The following INSYN2B variants were observed in gnomAD, a reference collection of about 807,000 sequenced individuals.
INSYN2B encodes the protein protein INSYN2B.
INSYN2B carries 16 observed loss-of-function variants against 41.2 expected under a neutral mutation model. The observed-to-expected ratio is 0.39, with a 90% CI of 0.26 to 0.59. INSYN2B has a LOEUF of 0.59. Ranked by LOEUF, INSYN2B falls within the 20% of genes least tolerant of loss-of-function variation. The pLI, the probability that INSYN2B is intolerant of heterozygous loss-of-function variation, is 0.57. For missense variants in INSYN2B, 608 were observed against 646.4 expected, an observed-to-expected ratio of 0.94 and a Z score of 0.64; for synonymous variants, 245 against 244.4, an observed-to-expected ratio of 1.00 and a Z score of -0.02.
intron 3 of INSYN2B, among the ~76,000 whole-genome samples, chr5:169,872,867 A>G (rs1224068603): frequency 1.3e-5 from 2 of 152,216 alleles, no homozygotes; most frequent in African/African-American, 4.8e-5. Flanking sequence ...TAAAATGGGA[A>G]TGTTAATCCT....
At chr5:169,888,818 G>A (rs1388164520) in intron 1 of INSYN2B, among the ~76,000 whole-genome samples, 1 of 152,182 alleles carries the variant, frequency 6.6e-6, no homozygotes, top group Non-Finnish European at 1.5e-5. Context: ...CCAGCTGGTA[G>A]CCATGAGACA....
chr5:169,872,550 G>T (rs1439477789), intron 3 of INSYN2B, among the ~76,000 whole-genome samples: 1 of 152,126 alleles, frequency 6.6e-6, no homozygotes, highest in African/African-American at 2.4e-5. Context: ...AAAATCACAG[G>T]TTCTCTTCTT....
intron 1 of INSYN2B, among the ~76,000 whole-genome samples, chr5:169,955,177 C>T (rs568923468): frequency 2.6e-5 from 4 of 152,176 alleles, no homozygotes; most frequent in Admixed American, 1.3e-4. Context: ...ATGACGAGAT[C>T]GCCAGGCAGC....
intron 1 of INSYN2B, among the ~76,000 whole-genome samples, chr5:169,968,966 T>G (rs1374746402): frequency 1.3e-5 from 2 of 152,130 alleles, no homozygotes; most frequent in Non-Finnish European, 2.9e-5. Flanking sequence ...CTGGATAACA[T>G]GGTGATACCA....
At chr5:169,868,287 A>G (rs1771725163) in intron 3 of INSYN2B, among the ~76,000 whole-genome samples, 1 of 152,048 alleles carries the variant, frequency 6.6e-6, no homozygotes, top group African/African-American at 2.4e-5. Context: ...TCTCTGAACT[A>G]CTCCTACTTT....
chr5:169,866,980 T>TA (rs1424173894), intron 3 of INSYN2B, among the ~76,000 whole-genome samples: 1 of 152,200 alleles, frequency 6.6e-6, no homozygotes, highest in Non-Finnish European at 1.5e-5. Flanking sequence ...TCCCCCCACT[T>TA]ACAAGTCCGG....
In INSYN2B at chr5:169,976,489, CA is replaced by C. The variant is rs539707671; in HGVS notation, c.-919+3787del. On this transcript the variant is annotated intron_variant, in intron 1 of 3. Transcript: ENST00000377365. ...GAGATGATGAATGTAGGGCCCTGGG[CA>C]AAAGGAATGAATGAATGGAATTTTC... Among the ~76,000 whole-genome samples, 421 of 152,106 alleles carry C rather than the reference CA, an allele frequency of 2.8e-3. 2 individuals are homozygous for C. The highest frequency in any genetic ancestry group is 9.5e-3 in the African/African-American group (394 of 41,482).
chr5:169,911,355 C>A (rs926000641), intron 1 of INSYN2B, among the ~76,000 whole-genome samples: 2 of 152,186 alleles, frequency 1.3e-5, no homozygotes, highest in Non-Finnish European at 1.5e-5. Context: ...TCCTTCACTT[C>A]TCTTTTCATG....
intron 1 of INSYN2B, among the ~76,000 whole-genome samples, chr5:169,896,133 G>C (rs1208929317): frequency 6.6e-6 from 1 of 152,050 alleles, no homozygotes; most frequent in Admixed American, 6.5e-5. Flanking sequence ...CTCCCAGAGC[G>C]TGCAGGCAGA....
rs1776623046 is a variant in INSYN2B at position 169,950,629 on chromosome 5, G to A, written c.-919+29648C>T. Among the ~76,000 whole-genome samples, 3 of 152,196 alleles carry A rather than the reference G, an allele frequency of 2.0e-5. No individual in the cohort carries two copies. In the South Asian group the frequency reaches 6.2e-4, roughly 32 times the overall value. ...GCTACAGATTTTCTATGTGACAGGA[G>A]GCCTCAGGTGTACTCTTTTCCCCTA... On this transcript the variant is annotated intron_variant, in intron 1 of 3. Transcript: ENST00000377365.
At chr5:169,875,699 A>C (rs1772288915) in intron 3 of INSYN2B, 1 of 167,828 alleles carries the variant, frequency 6.0e-6, no homozygotes, top group Admixed American at 6.0e-5. Context: ...CATCATTGTG[A>C]GGATTAAGTG....
At chr5:169,939,111 A>T (rs563448339) in intron 1 of INSYN2B, among the ~76,000 whole-genome samples, 4 of 151,796 alleles carry the variant, frequency 2.6e-5, no homozygotes, top group Admixed American at 2.6e-4. Context: ...TCACCGCATT[A>T]GCCAGGATGG....
chr5:169,936,980 C>T (rs567462478), intron 1 of INSYN2B, among the ~76,000 whole-genome samples: 5 of 152,356 alleles, frequency 3.3e-5, no homozygotes, highest in African/African-American at 1.2e-4. Flanking sequence ...TCTCCTGCCA[C>T]TGCTTTGCAA....
chr5:169,979,935 G>A (rs927477623), intron 1 of INSYN2B, among the ~76,000 whole-genome samples: 3 of 152,130 alleles, frequency 2.0e-5, no homozygotes, highest in African/African-American at 7.2e-5. Context: ...AATGAAGAAT[G>A]GAAGTTTCTC....
At chr5:169,903,596 C>A (rs1216503195) in intron 1 of INSYN2B, among the ~76,000 whole-genome samples, 1 of 152,004 alleles carries the variant, frequency 6.6e-6, no homozygotes, top group African/African-American at 2.4e-5. Context: ...CTTCAGGACA[C>A]AGTAGGTACA....
intron 1 of INSYN2B, among the ~76,000 whole-genome samples, chr5:169,965,598 A>G (rs1777269460): frequency 6.6e-6 from 1 of 152,142 alleles, no homozygotes. Flanking sequence ...AAACATCCCA[A>G]TGTCGGGAGA....
chr5:169,975,293 A>G (rs940208931), intron 1 of INSYN2B, among the ~76,000 whole-genome samples: 2 of 152,188 alleles, frequency 1.3e-5, no homozygotes, highest in African/African-American at 4.8e-5. Flanking sequence ...GTAGAAAGAC[A>G]TGGAAAATGC....
At chr5:169,961,794 A>G (rs957995477) in intron 1 of INSYN2B, among the ~76,000 whole-genome samples, 3 of 151,928 alleles carry the variant, frequency 2.0e-5, no homozygotes, top group African/African-American at 7.3e-5. Context: ...CCTGGCCAAC[A>G]TGGTGAAACC....
chr5:169,905,023 G>C (rs768764753), intron 1 of INSYN2B, among the ~76,000 whole-genome samples: 4 of 152,214 alleles, frequency 2.6e-5, no homozygotes, highest in Admixed American at 6.5e-5. Context: ...ATATGAAAAT[G>C]AAGATAGTAG....
Sources: gnomAD v4.1 joint callset for allele counts (sites outside exome capture counted in the v4.1 genomes callset) on GRCh38, gnomAD v4.1.1 for gene constraint, MANE v1.5 for transcripts, NCBI Gene and HGNC (gene_info 2026-07-23, HGNC 2026-07-21) for gene names.